The following FBXL2 variants were observed in gnomAD, a reference collection of about 807,000 sequenced individuals.
FBXL2 encodes F-box/LRR-repeat protein 2.
A neutral mutation model predicts 69.2 loss-of-function variants in FBXL2; 38 were observed. The ratio of observed to expected loss-of-function variants is 0.55; its 90% CI spans 0.42 to 0.72. The LOEUF is 0.72. Ranked by LOEUF, FBXL2 falls within the 30% of genes least tolerant of loss-of-function variation. The pLI is 0.00. For synonymous variants in FBXL2, 192 were observed against 201.3 expected (o/e 0.95, Z 0.39); for missense variants, 354 against 520.3 (o/e 0.68, Z 3.11).
chr3:33,404,713 C>G (rs2044370703), downstream of FBXL2, among the ~76,000 whole-genome samples: 1 of 151,976 alleles, frequency 6.6e-6, no homozygotes, highest in South Asian at 2.1e-4. Context: ...AGGTGATTTT[C>G]AATTATTTGC....
rs140457114 is a variant in FBXL2, at chr3:33,316,676, C to T, written c.65+18951C>T. On this transcript the variant is annotated intron_variant, in intron 2 of 14. Transcript: ENST00000484457. ...GCATAGACACTGATAATAGTGGGTC[C>T]TGTGGCACTTGGCGGTTTGGCCCTC... Among the ~76,000 whole-genome samples the T allele has an allele frequency of 5.3e-5, 8 of 152,302 alleles. 1 individual carries two copies. Among genetic ancestry groups the T allele is most frequent in the African/African-American group, 1.4e-4 (6 of 41,572 alleles).
intron 5 of FBXL2, among the ~76,000 whole-genome samples, chr3:33,370,972 TC>T (rs1314323176): frequency 1.3e-5 from 2 of 152,128 alleles, no homozygotes; most frequent in African/African-American, 2.4e-5. Context: ...ATTTAGTGAT[TC>T]CAATCGCATG....
chr3:33,390,528 T>C (rs1189599138), downstream of FBXL2: 4 of 743,234 alleles, frequency 5.4e-6, no homozygotes, highest in Non-Finnish European at 8.9e-6. Flanking sequence ...TAGCTCCTCT[T>C]CCCCCAAAAA....
intron 2 of FBXL2, among the ~76,000 whole-genome samples, chr3:33,329,040 A>G (rs898833407): frequency 6.6e-6 from 1 of 152,276 alleles, no homozygotes; most frequent in Non-Finnish European, 1.5e-5. Context: ...GTAGCAAAAC[A>G]AACAAAACAA....
intron 12 of FBXL2, among the ~76,000 whole-genome samples, chr3:33,400,475 T>TA (rs35268943): frequency 6.6e-6 from 1 of 151,960 alleles, no homozygotes; most frequent in Non-Finnish European, 1.5e-5. Context: ...TATTCAGCCA[T>TA]AAAAAAAGAG....
At chr3:33,347,975 C>G (rs1188999973) in intron 2 of FBXL2, among the ~76,000 whole-genome samples, 2 of 151,874 alleles carry the variant, frequency 1.3e-5, no homozygotes, top group Non-Finnish European at 2.9e-5. Flanking sequence ...TGTGGGTTTT[C>G]TCTTCACTTT....
chr3:33,312,184 G>A (rs1026455806), intron 2 of FBXL2, among the ~76,000 whole-genome samples: 4 of 152,018 alleles, frequency 2.6e-5, no homozygotes, highest in Non-Finnish European at 5.9e-5. Context: ...AGCCTCCTAA[G>A]TAGATGGGAC....
chr3:33,323,557 G>A (rs758221536), intron 2 of FBXL2, among the ~76,000 whole-genome samples: 16 of 152,084 alleles, frequency 1.1e-4, no homozygotes, highest in Non-Finnish European at 2.1e-4. Flanking sequence ...AGAACAGGCG[G>A]TGTTTGGTTT....
chr3:33,379,860 T>C (rs548172366), intron 13 of FBXL2, among the ~76,000 whole-genome samples: 1 of 152,126 alleles, frequency 6.6e-6, no homozygotes, highest in East Asian at 1.9e-4. Context: ...ATTTGAAAAC[T>C]GACTGATGTA....
At chr3:33,353,040 A>C (rs1321178113) in intron 2 of FBXL2, among the ~76,000 whole-genome samples, 1 of 152,266 alleles carries the variant, frequency 6.6e-6, no homozygotes, top group East Asian at 1.9e-4. Flanking sequence ...AAGATGCTTA[A>C]TATGATATGT....
intron 4 of FBXL2, among the ~76,000 whole-genome samples, chr3:33,361,622 G>T (rs2041635799): frequency 1.3e-5 from 2 of 152,182 alleles, no homozygotes; most frequent in South Asian, 4.1e-4. Context: ...TCAGCTAACT[G>T]CCATATAAAC....
intron 2 of FBXL2, among the ~76,000 whole-genome samples, chr3:33,342,317 T>G (rs1009307297): frequency 3.3e-5 from 5 of 151,584 alleles, no homozygotes; most frequent in African/African-American, 1.2e-4. Flanking sequence ...TGCAGTTTTC[T>G]TTATATCCAT....
chr3:33,277,441 C>A, upstream of FBXL2: 1 of 1,250,468 alleles, frequency 8.0e-7, no homozygotes, highest in East Asian at 3.2e-5. Flanking sequence ...GCCTGGCTGG[C>A]GTCACCAGGA....
intron 9 of FBXL2, among the ~76,000 whole-genome samples, chr3:33,374,725 T>A (rs2042524898): frequency 1.3e-5 from 2 of 152,184 alleles, no homozygotes; most frequent in Admixed American, 1.3e-4. Flanking sequence ...GTAGTCTGTT[T>A]AAGTGAACAT....
Position 33,342,902 on chromosome 3 carries a change from T to TTG in FBXL2, c.66-16064_66-16063insGT, listed in dbSNP as rs1553646586. ...GCCACCACGCCCAGCTGTTTTTTTT[T>TTG]TTTTTTTTTTGGTATTTTTAGTAGA... is the stretch of plus-strand genomic sequence containing the variant. On this transcript the variant is annotated intron_variant, in intron 2 of 14. Transcript: ENST00000484457. Among the ~76,000 whole-genome samples, 561 of 143,784 alleles carry TTG rather than the reference T, an allele frequency of 3.9e-3. 2 individuals are homozygous for TTG. The highest frequency in any genetic ancestry group is 0.014 in the African/African-American group (525 of 37,422). The allele number at this position is 143,784 out of a possible 152,430, so 94.3% of individuals were successfully genotyped here.
chr3:33,343,656 C>G (rs1365281954), intron 2 of FBXL2, among the ~76,000 whole-genome samples: 2 of 152,064 alleles, frequency 1.3e-5, no homozygotes, highest in Non-Finnish European at 2.9e-5. Context: ...TATATTCAAT[C>G]TTTAGTATTT....
At chr3:33,404,226 C>T (rs1308397265), downstream of FBXL2, among the ~76,000 whole-genome samples, 1 of 152,178 alleles carries the variant, frequency 6.6e-6, no homozygotes, top group Non-Finnish European at 1.5e-5. Context: ...TCCTGGCTAA[C>T]ATGGTGACAC....
rs370705873 is a variant in FBXL2 at position 33,327,581 on chromosome 3, T to C, written c.65+29856T>C. ...AATCAAAAGTCAACTAGCTCAAGAC[T>C]AAGAAAAAGAAGACCCAGATAAAAT... On this transcript the variant is annotated intron_variant, in intron 2 of 14. Coordinates refer to ENST00000484457, the MANE Select transcript of FBXL2 (RefSeq NM_012157.5). Among the ~76,000 whole-genome samples, 9 of 151,984 alleles carry C rather than the reference T, an allele frequency of 5.9e-5. No homozygotes were observed. In the East Asian group the frequency reaches 7.7e-4, roughly 13 times the overall value.
At chr3:33,358,272 G>A (rs781550008) in intron 2 of FBXL2, among the ~76,000 whole-genome samples, 2 of 152,294 alleles carry the variant, frequency 1.3e-5, no homozygotes, top group Admixed American at 6.5e-5. Context: ...AGGCGCACAC[G>A]GCTGTTTGCT....
Sources: gnomAD v4.1 joint callset for allele counts (sites outside exome capture counted in the v4.1 genomes callset) on GRCh38, gnomAD v4.1.1 for gene constraint, MANE v1.5 for transcripts, NCBI Gene and HGNC (gene_info 2026-07-23, HGNC 2026-07-21) for gene names.